SPTLC3: variants seen among roughly 807,000 people sequenced by gnomAD.
SPTLC3 encodes serine palmitoyltransferase 3.
Under a neutral mutation model 59.3 loss-of-function variants are expected in SPTLC3, and 36 were observed. The observed-to-expected ratio is 0.61, with a 90% CI of 0.47 to 0.80. The LOEUF (loss-of-function observed/expected upper bound fraction) is 0.80. Among genes scored for constraint, SPTLC3 ranks in the 30% least tolerant of loss-of-function variants. SPTLC3 has a pLI of 0.00. For missense variants in SPTLC3, 625 were observed against 685.1 expected (o/e 0.91, Z 0.98); for synonymous variants, 257 against 240.8 (o/e 1.07, Z -0.62).
chr20:13,128,716 A>T (rs919783582), intron 9 of SPTLC3, among the ~76,000 whole-genome samples: 1 of 151,720 alleles, frequency 6.6e-6, no homozygotes, highest in Non-Finnish European at 1.5e-5. Flanking sequence ...TTTGAGACAG[A>T]GTCTTGCTCT....
chr20:13,090,140 T>C (rs2122623151), intron 4 of SPTLC3, among the ~76,000 whole-genome samples: 1 of 152,306 alleles, frequency 6.6e-6, no homozygotes, highest in Non-Finnish European at 1.5e-5. Context: ...CAACATTTGC[T>C]GTAGCAAAGC....
At chr20:13,026,305 CT>C (rs907213153) in intron 1 of SPTLC3, among the ~76,000 whole-genome samples, 2 of 152,182 alleles carry the variant, frequency 1.3e-5, no homozygotes, top group Non-Finnish European at 2.9e-5. Context: ...AATCATTGCA[CT>C]GTCATCCACA....
At chr20:13,146,474 C>T (rs1445591413) in intron 9 of SPTLC3, among the ~76,000 whole-genome samples, 1 of 151,982 alleles carries the variant, frequency 6.6e-6, no homozygotes, top group East Asian at 1.9e-4. Flanking sequence ...CCCAGAAGGC[C>T]CTCAGCTTCC....
At chr20:13,098,200 C>T (rs1235196488) in intron 6 of SPTLC3, among the ~76,000 whole-genome samples, 2 of 151,886 alleles carry the variant, frequency 1.3e-5, no homozygotes, top group Non-Finnish European at 2.9e-5. Context: ...ATGAGAATAC[C>T]CTATTCTTAA....
chr20:13,106,105 G>T (rs952664555), intron 6 of SPTLC3, among the ~76,000 whole-genome samples: 10 of 152,068 alleles, frequency 6.6e-5, no homozygotes, highest in Non-Finnish European at 1.3e-4. Flanking sequence ...CTATCTGCTC[G>T]TTTTAAAACA....
rs930140880 is a variant in SPTLC3 at position 13,153,293 on chromosome 20, G to C, written c.1280-710G>C. 1.6e-4 allele frequency among the ~76,000 whole-genome samples: 24 copies of C among 152,226 alleles called. No homozygotes were observed. The East Asian group carries it at 2.3e-3, about 15-fold the overall frequency. On this transcript the variant is annotated intron_variant, in intron 9 of 11. Coordinates refer to ENST00000399002, the MANE Select transcript of SPTLC3 (RefSeq NM_018327.4). ...ACTCTGCACTGGGACACACACTTAG[G>C]ACACAGGCTATAAGAGCTGAAGCAC...
rs243887 is a variant in SPTLC3, at chr20:13,072,370, T to G, written c.418T>G (p.Leu140Val). Reference sequence around the variant, plus strand: ...CAGTGCCCCAGGGCCTCTGTTTGATTTGATGGAGAGGGTATCAGACGACTA... The same window carrying G: ...CAGTGCCCCAGGGCCTCTGTTTGATGTGATGGAGAGGGTATCAGACGACTA... ...ICSAPGPLFD[L>V]MERVSDDYNW... The change falls in exon 3 of 12, where the codon TTG (leucine) becomes GTG (valine). Residue 140 changes from leucine to valine, a missense_variant. Physicochemically the swap from Leu to Val is conservative, Grantham distance 32 (BLOSUM62 1). Transcript: ENST00000399002. 0.73 allele frequency: 1,170,291 copies of G among 1,610,458 alleles called. 429,445 individuals are homozygous for G. Among genetic ancestry groups the G allele is most frequent in the African/African-American group, 0.94 (70,668 of 74,966 alleles).
chr20:13,045,278 C>T (rs922506179), intron 1 of SPTLC3, among the ~76,000 whole-genome samples: 8 of 152,130 alleles, frequency 5.3e-5, no homozygotes, highest in Admixed American at 5.2e-4. Flanking sequence ...GGCAATGTGG[C>T]TCAGGGTCTG....
At chr20:13,146,869 A>G (rs1346054638) in intron 9 of SPTLC3, among the ~76,000 whole-genome samples, 1 of 152,148 alleles carries the variant, frequency 6.6e-6, no homozygotes, top group Non-Finnish European at 1.5e-5. Flanking sequence ...AACTTTGATA[A>G]TCTCCTAGGC....
chr20:13,071,044 C>G (rs989437416), intron 2 of SPTLC3, among the ~76,000 whole-genome samples: 1 of 152,078 alleles, frequency 6.6e-6, no homozygotes, highest in African/African-American at 2.4e-5. Context: ...TACTGTAATC[C>G]CACGAATGTC....
At chr20:13,090,825 A>G (rs1430464697) in intron 4 of SPTLC3, among the ~76,000 whole-genome samples, 1 of 152,206 alleles carries the variant, frequency 6.6e-6, no homozygotes, top group Non-Finnish European at 1.5e-5. Flanking sequence ...AGATTTATCC[A>G]CAATGTTGTG....
rs546557606 is a variant in SPTLC3, at chr20:13,105,778, A to G, written c.827-4334A>G. On this transcript the variant is annotated intron_variant, in intron 6 of 11. Coordinates refer to ENST00000399002, the MANE Select transcript of SPTLC3 (RefSeq NM_018327.4). ...AAGTCCCAAAGGGAAAACATTCTTAACAGGAATGCTTTTATTCACCATCTC... is the reference window on the plus strand; with the variant it reads ...AAGTCCCAAAGGGAAAACATTCTTAGCAGGAATGCTTTTATTCACCATCTC... Among the ~76,000 whole-genome samples, 16 of 152,334 alleles carry G rather than the reference A, an allele frequency of 1.1e-4. No individual in the cohort carries two copies. In the East Asian group the frequency reaches 2.7e-3, roughly 26 times the overall value.
chr20:13,106,455 C>A (rs922589309), intron 6 of SPTLC3, among the ~76,000 whole-genome samples: 2 of 152,020 alleles, frequency 1.3e-5, no homozygotes, highest in African/African-American at 4.8e-5. Flanking sequence ...GTATTATTGA[C>A]GAGAAGAGTT....
intron 1 of SPTLC3, among the ~76,000 whole-genome samples, chr20:13,042,309 A>G (rs1485129121): frequency 2.0e-5 from 3 of 152,138 alleles, no homozygotes; most frequent in African/African-American, 7.2e-5. Context: ...TATCTTGGGG[A>G]ATGCTCTGGA....
At chr20:13,022,611 G>A (rs1985943466) in intron 1 of SPTLC3, among the ~76,000 whole-genome samples, 1 of 152,110 alleles carries the variant, frequency 6.6e-6, no homozygotes, top group Admixed American at 6.5e-5. Context: ...AAGGCCAAAG[G>A]GTGAGACAAG....
chr20:13,047,817 C>T (rs1256917952), intron 1 of SPTLC3, among the ~76,000 whole-genome samples: 2 of 151,988 alleles, frequency 1.3e-5, no homozygotes, highest in African/African-American at 2.4e-5. Flanking sequence ...ATCATGAACA[C>T]CTATATACTC....
intron 1 of SPTLC3, among the ~76,000 whole-genome samples, chr20:13,019,837 C>T (rs191024468): frequency 4.6e-5 from 7 of 152,302 alleles, no homozygotes; most frequent in African/African-American, 1.4e-4. Flanking sequence ...TAATTATTCT[C>T]TTACCTATGG....
intron 1 of SPTLC3, among the ~76,000 whole-genome samples, chr20:13,028,571 T>A (rs922935298): frequency 2.6e-5 from 4 of 152,240 alleles, no homozygotes; most frequent in Admixed American, 2.6e-4. Flanking sequence ...TATACTTATA[T>A]GTTACACATA....
At chr20:13,071,038 G>A (rs1988416397) in intron 2 of SPTLC3, among the ~76,000 whole-genome samples, 1 of 152,094 alleles carries the variant, frequency 6.6e-6, no homozygotes, top group Non-Finnish European at 1.5e-5. Flanking sequence ...CCCTCCTACT[G>A]TAATCCCACG....
Sources: allele counts gnomAD v4.1 joint callset (sites outside exome capture counted in the v4.1 genomes callset), GRCh38; gene constraint gnomAD v4.1.1; transcripts MANE v1.5; gene names NCBI Gene and HGNC (gene_info 2026-07-23, HGNC 2026-07-21).